Variants in COL18A1 observed in about 807,000 individuals in gnomAD.
COL18A1 encodes collagen alpha-1(XVIII) chain.
Under a neutral mutation model 168.0 loss-of-function variants are expected in COL18A1, and 133 were observed. The ratio of observed to expected loss-of-function variants is 0.79; its 90% CI spans 0.69 to 0.91. The LOEUF (loss-of-function observed/expected upper bound fraction) is 0.91, where lower values mean the gene tolerates loss of function less well. Ranked by LOEUF, COL18A1 falls within the 40% of genes least tolerant of loss-of-function variation. The probability of loss-of-function intolerance (pLI) is 0.00; values close to 1 mark genes in which losing one functional copy is unlikely to be tolerated. For synonymous variants in COL18A1, 949 were observed against 809.0 expected (o/e 1.17, Z -2.94); for missense variants, 2,126 against 1,925.4 (o/e 1.10, Z -1.95).
rs966996973 is a variant in COL18A1, at chr21:45,479,898, C to T, written c.1249-4C>T. The T allele has an allele frequency of 3.1e-6, 5 of 1,613,310 alleles. No homozygotes were observed. Among genetic ancestry groups the T allele is most frequent in the Admixed American group, 1.7e-5 (1 of 59,970 alleles). On this transcript the variant is annotated splice_region_variant and splice_polypyrimidine_tract_variant and intron_variant, in intron 9 of 41. Coordinates refer to ENST00000651438, the MANE Select transcript of COL18A1 (RefSeq NM_001379500.1). ...TGACCGGGCCCCCGGATGTTGTGTT[C>T]CAGGGCGACACCGGGCCACAAGGCT...
At chr21:45,416,650 T>G (rs566907305) in intron 2 of COL18A1, among the ~76,000 whole-genome samples, 14 of 152,316 alleles carry the variant, frequency 9.2e-5, no homozygotes, top group African/African-American at 2.9e-4. Flanking sequence ...ATCTCTTAGA[T>G]TCCAGCTTAG....
chr21:45,481,068 G>C (rs931258774), intron 13 of COL18A1, among the ~76,000 whole-genome samples: 1 of 152,210 alleles, frequency 6.6e-6, no homozygotes, highest in Non-Finnish European at 1.5e-5. Flanking sequence ...GGTTCTAGGG[G>C]TGCTGACCAG....
At chr21:45,491,464 T>TATAGAG (rs2036344122) in intron 22 of COL18A1, 150 bp downstream of exon 22, 6 of 628,156 alleles carry the variant, frequency 9.6e-6, no homozygotes, top group African/African-American at 2.0e-5. Flanking sequence ...CGGTGGGGGC[T>TATAGAG]GCAGACGCCC....
chr21:45,509,739 C>T (rs149409736), intron 39 of COL18A1, 138 bp downstream of exon 39: 389 of 710,898 alleles, frequency 5.5e-4, no homozygotes, highest in Middle Eastern at 3.3e-3. Flanking sequence ...CAGGGCCACT[C>T]AGGGCGGCTT....
chr21:45,473,185 CT>C lies in COL18A1; in HGVS notation c.652-708del, dbSNP rs2035511587. On this transcript the variant is annotated intron_variant, in intron 3 of 41. Coordinates refer to ENST00000651438, the MANE Select transcript of COL18A1 (RefSeq NM_001379500.1). This position sits in a 1 kb window ranked among gnomAD's most constrained non-coding sequence, Gnocchi z 4.0. ...TTAGGACGTTGCGCCCTCCTGTGTC[CT>C]TGCCCAGCATCCCCGGCCTGCATCT... is the stretch of plus-strand genomic sequence containing the variant. 6.6e-6 allele frequency among the ~76,000 whole-genome samples: 1 copy of C among 152,232 alleles called. No individual in the cohort carries two copies. The highest frequency in any genetic ancestry group is 2.1e-4 in the South Asian group (1 of 4,838).
At position 45,468,537 on chromosome 21, in the gene COL18A1, C is replaced by T; in HGVS notation, c.402C>T (p.Asp134=). ...KLSGVQDGHQ[D]ISLLYTEPGA... is the part of the protein sequence containing the mutation. ...CTGGGGTGCAGGACGGGCACCAGGA[C>T]ATCTCCCTGCTCTACACAGAACCAG... is the stretch of plus-strand genomic sequence containing the variant. Residue 134 remains aspartate (D), a synonymous_variant, in exon 3 of 42, where the codon GAC becomes GAT. Transcript: ENST00000651438. The T allele has an allele frequency of 1.2e-6, 2 of 1,613,386 alleles. No individual in the cohort carries two copies. Among genetic ancestry groups the T allele is most frequent in the Non-Finnish European group, 1.7e-6 (2 of 1,179,826 alleles).
intron 2 of COL18A1, among the ~76,000 whole-genome samples, chr21:45,441,381 C>T (rs150617221): frequency 1.2e-3 from 189 of 152,318 alleles, no homozygotes; most frequent in Middle Eastern, 3.4e-3. Context: ...AGCACAGATG[C>T]CCAGGTAGAG....
rs928779985 is a variant in COL18A1, at chr21:45,494,575, A to G, written c.2379+4A>G. 3.1e-6 allele frequency: 5 copies of G among 1,613,042 alleles called. No individual in the cohort carries two copies. In the Admixed American group the frequency reaches 5.0e-5, roughly 16 times the overall value. On this transcript the variant is annotated splice_donor_region_variant and intron_variant, in intron 27 of 41. Coordinates refer to ENST00000651438, the MANE Select transcript of COL18A1 (RefSeq NM_001379500.1). ...GCCGGGCTTCCGAGGACCCCCGGTA[A>G]GTCGGTCCCTGGCTTTCTCTGCACT...
chr21:45,422,729 T>C (rs976487819), intron 2 of COL18A1: 4 of 279,644 alleles, frequency 1.4e-5, no homozygotes, highest in Non-Finnish European at 2.1e-5. Flanking sequence ...GTGGGCCTCC[T>C]GGGTGGAGGG....
At chr21:45,437,987 G>C (rs1165106944) in intron 2 of COL18A1, among the ~76,000 whole-genome samples, 2 of 16,422 alleles carry the variant, frequency 1.2e-4, no homozygotes, top group Non-Finnish European at 9.5e-5. Flanking sequence ...CACACACTCA[G>C]ACACACAGGC....
At position 45,492,560 on chromosome 21, in the gene COL18A1, C is replaced by G; in HGVS notation, c.2183C>G (p.Pro728Arg). ...QDGSVLSVPG[P>R]EGRPGFAGFP... Reference sequence around the variant, plus strand: ...GGATCCGTCCTGAGCGTGCCGGGACCTGAGGTATGTGCCTGCCCAGCTTCT... The same window carrying G: ...GGATCCGTCCTGAGCGTGCCGGGACGTGAGGTATGTGCCTGCCCAGCTTCT... The change falls in exon 23 of 42, where the codon CCT (proline) becomes CGT (arginine). Residue 728 changes from proline (P) to arginine (R), a missense_variant. Transcript: ENST00000651438. 1 of 1,613,190 alleles carries G rather than the reference C, an allele frequency of 6.2e-7. No individual in the cohort carries two copies. Among genetic ancestry groups the G allele is most frequent in the Non-Finnish European group, 8.5e-7 (1 of 1,179,994 alleles).
At chr21:45,492,613 A>G in intron 23 of COL18A1, 49 bp downstream of exon 23, 1 of 1,612,106 alleles carries the variant, frequency 6.2e-7, no homozygotes, top group Non-Finnish European at 8.5e-7. Context: ...GGACCTGGGT[A>G]CAAGGCTGGG....
At chr21:45,466,711 T>C (rs1045148762) in intron 2 of COL18A1, among the ~76,000 whole-genome samples, 4 of 152,180 alleles carry the variant, frequency 2.6e-5, no homozygotes, top group African/African-American at 7.2e-5. Flanking sequence ...TTGCTGTCAC[T>C]GGGGTCCCTG....
chr21:45,470,970 C>A (rs564222692), intron 3 of COL18A1, among the ~76,000 whole-genome samples: 1 of 151,134 alleles, frequency 6.6e-6, no homozygotes, highest in African/African-American at 2.4e-5. Context: ...TGCTGCTGGG[C>A]GTGGGTGGCG....
At chr21:45,447,251 G>A (rs2034525335) in intron 2 of COL18A1, among the ~76,000 whole-genome samples, 1 of 151,194 alleles carries the variant, frequency 6.6e-6, no homozygotes, top group Non-Finnish European at 1.5e-5. Flanking sequence ...ATATTTAAAA[G>A]TAAAAGTTCT....
Position 45,456,064 on chromosome 21 carries a change from G to T in COL18A1, c.107-12178G>T, listed in dbSNP as rs771496335. ...CCAGCCGTGGCATTCCTAGCTCTCC[G>T]GGCGCCCACACAACCGAGGCTGGCA... is the stretch of plus-strand genomic sequence containing the variant. On this transcript the variant is annotated intron_variant, in intron 2 of 41. Coordinates refer to ENST00000651438, the MANE Select transcript of COL18A1 (RefSeq NM_001379500.1). 156 of 1,605,128 alleles carry T rather than the reference G, an allele frequency of 9.7e-5. No homozygotes were observed. The highest frequency in any genetic ancestry group is 3.4e-4 in the South Asian group (31 of 90,920).
At chr21:45,500,416 TGGTGTGG>T (rs1461893059) in intron 32 of COL18A1, among the ~76,000 whole-genome samples, 1 of 106,244 alleles carries the variant, frequency 9.4e-6, no homozygotes, top group East Asian at 3.1e-4. Flanking sequence ...GTTGGGTGTG[TGGTGTGG>T]GGTGTGTGTG....
chr21:45,496,532 C>A lies in COL18A1; in HGVS notation c.2541C>A (p.Pro847=). The part of the protein sequence containing the change: ...GMPGPPGPPG[P]PGPPGTPVYD... ...CCGGCCCCCCAGGACCTCCAGGGCC[C>A]CCAGGCCCTCCAGGGACTCCTGTTT... is the stretch of plus-strand genomic sequence containing the variant. The change falls in exon 30 of 42, where the codon CCC becomes CCA. Residue 847 remains proline (P), a synonymous_variant. Transcript: ENST00000651438. 1.3e-6 allele frequency: 2 copies of A among 1,531,046 alleles called. No individual in the cohort carries two copies. Among genetic ancestry groups the A allele is most frequent in the Non-Finnish European group, 1.8e-6 (2 of 1,105,266 alleles). 94.8% of individuals were successfully genotyped at this position (1,531,046 alleles called of 1,614,324 possible).
chr21:45,427,837 G>A (rs928255074), intron 2 of COL18A1, among the ~76,000 whole-genome samples: 1 of 152,188 alleles, frequency 6.6e-6, no homozygotes, highest in African/African-American at 2.4e-5. Flanking sequence ...GCGAGGCCTC[G>A]GGAATGCGCC....
Sources: allele counts gnomAD v4.1 joint callset (sites outside exome capture counted in the v4.1 genomes callset), GRCh38; gene constraint gnomAD v4.1.1; non-coding constraint Gnocchi (gnomAD v3.1); transcripts MANE v1.5; gene names NCBI Gene and HGNC (gene_info 2026-07-23, HGNC 2026-07-21).